TRPM3: variants seen among roughly 807,000 people sequenced by gnomAD.
The protein encoded by TRPM3 is long transient receptor potential channel 3.
Under a neutral mutation model 181.2 loss-of-function variants are expected in TRPM3, and 77 were observed. The observed-to-expected ratio is 0.42, with a 90% CI of 0.35 to 0.51. The LOEUF is 0.51. Ranked by LOEUF, TRPM3 falls within the 20% of genes least tolerant of loss-of-function variation. The pLI is 0.01. For synonymous variants in TRPM3, 745 were observed against 796.4 expected (o/e 0.94, Z 1.09); for missense variants, 1,759 against 2,196.7 (o/e 0.80, Z 3.98).
chr9:70,554,588 G>C (rs987696872), intron 22 of TRPM3, among the ~76,000 whole-genome samples: 6 of 152,182 alleles, frequency 3.9e-5, no homozygotes, highest in African/African-American at 1.2e-4. Context: ...CTTGGCTCCA[G>C]ACAATTGAAT....
intron 1 of TRPM3, among the ~76,000 whole-genome samples, chr9:71,413,434 A>G (rs2093591349): frequency 6.6e-6 from 1 of 152,086 alleles, no homozygotes; most frequent in Non-Finnish European, 1.5e-5. Context: ...TCCCAAAGTC[A>G]TAAGATTAGT....
At chr9:70,978,794 C>T (rs1226246552) in intron 1 of TRPM3, among the ~76,000 whole-genome samples, 2 of 152,220 alleles carry the variant, frequency 1.3e-5, no homozygotes, top group African/African-American at 4.8e-5. Flanking sequence ...CATGGCTACA[C>T]ACTCACTGAT....
chr9:71,334,269 C>T (rs950242357), intron 1 of TRPM3, among the ~76,000 whole-genome samples: 2 of 151,590 alleles, frequency 1.3e-5, no homozygotes, highest in Admixed American at 6.6e-5. Flanking sequence ...TAATATTTTG[C>T]TCATGTGTTT....
At chr9:71,211,732 A>C (rs1368960728) in intron 1 of TRPM3, among the ~76,000 whole-genome samples, 1 of 152,068 alleles carries the variant, frequency 6.6e-6, no homozygotes, top group South Asian at 2.1e-4. Context: ...TCTATGTTCA[A>C]ATTTACCCTT....
intron 1 of TRPM3, among the ~76,000 whole-genome samples, chr9:71,253,990 G>T (rs1343083050): frequency 6.6e-6 from 1 of 152,148 alleles, no homozygotes; most frequent in Non-Finnish European, 1.5e-5. Flanking sequence ...TGCGATCTTG[G>T]CTCACTGCAA....
intron 1 of TRPM3, among the ~76,000 whole-genome samples, chr9:70,956,675 A>G (rs2097076186): frequency 6.6e-6 from 1 of 152,114 alleles, no homozygotes. Context: ...CTTTGAGGCC[A>G]GGACTTTGAC....
At chr9:71,190,282 A>T (rs992160939) in intron 1 of TRPM3, among the ~76,000 whole-genome samples, 7 of 151,870 alleles carry the variant, frequency 4.6e-5, no homozygotes, top group Non-Finnish European at 7.4e-5. Flanking sequence ...CTACTGAACA[A>T]AGCAGGTCAG....
At chr9:70,988,581 G>A (rs983364779) in intron 1 of TRPM3, among the ~76,000 whole-genome samples, 14 of 152,156 alleles carry the variant, frequency 9.2e-5, no homozygotes, top group African/African-American at 3.1e-4. Flanking sequence ...CCCAGCCAGT[G>A]ATTATTCAAT....
chr9:70,889,877 T>C (rs911363615), intron 1 of TRPM3, among the ~76,000 whole-genome samples: 1 of 150,228 alleles, frequency 6.7e-6, no homozygotes, highest in Non-Finnish European at 1.5e-5. Flanking sequence ...ATATGGCATA[T>C]ACTTAGTATA....
chr9:70,739,096 G>C (rs2073419730), intron 8 of TRPM3, among the ~76,000 whole-genome samples: 1 of 152,092 alleles, frequency 6.6e-6, no homozygotes, highest in Non-Finnish European at 1.5e-5. Context: ...TATTTCAAAA[G>C]ATAAAGAGGG....
chr9:70,900,666 G>A (rs2096371798), intron 1 of TRPM3, among the ~76,000 whole-genome samples: 2 of 151,992 alleles, frequency 1.3e-5, no homozygotes, highest in African/African-American at 4.8e-5. Context: ...GCACCTCCTC[G>A]TCTCCTCTTA....
chr9:71,081,801 CTTGTT>C (rs548028177), intron 1 of TRPM3, among the ~76,000 whole-genome samples: 13 of 152,098 alleles, frequency 8.5e-5, no homozygotes, highest in Non-Finnish European at 1.8e-4. Context: ...CTCACCGAGT[CTTGTT>C]TTGGCATTAA....
intron 1 of TRPM3, among the ~76,000 whole-genome samples, chr9:71,010,339 G>C (rs2097722596): frequency 6.6e-6 from 1 of 152,160 alleles, no homozygotes; most frequent in South Asian, 2.1e-4. Context: ...CATCGGACAA[G>C]GGGTTAATAT....
intron 1 of TRPM3, among the ~76,000 whole-genome samples, chr9:71,225,770 C>A: frequency 6.6e-6 from 1 of 151,994 alleles, no homozygotes; most frequent in Non-Finnish European, 1.5e-5. Context: ...GATTCTCCTG[C>A]CTCAGCCTCC....
intron 1 of TRPM3, among the ~76,000 whole-genome samples, chr9:71,087,684 G>A (rs478778): frequency 0.23 from 35,637 of 151,858 alleles, 4,949 homozygotes; most frequent in East Asian, 0.4. Flanking sequence ...CAAGAGAAAG[G>A]AAGAAGCAGT....
At chr9:70,668,633 C>T (rs887271533) in intron 9 of TRPM3, among the ~76,000 whole-genome samples, 13 of 142,002 alleles carry the variant, frequency 9.2e-5, no homozygotes, top group African/African-American at 3.4e-4. Context: ...CCACTGCACT[C>T]CAGCCTGGGC....
At chr9:71,326,226 C>G (rs1343848403) in intron 1 of TRPM3, among the ~76,000 whole-genome samples, 1 of 152,074 alleles carries the variant, frequency 6.6e-6, no homozygotes, top group Non-Finnish European at 1.5e-5. Flanking sequence ...TCCTACATTT[C>G]TAAGAAAGAT....
intron 1 of TRPM3, among the ~76,000 whole-genome samples, chr9:71,348,630 C>T (rs2091431264): frequency 2.0e-5 from 3 of 151,664 alleles, no homozygotes; most frequent in South Asian, 2.1e-4. Context: ...AGTGCAGTGT[C>T]GCAATCTCCG....
chr9:71,273,940 G>A (rs984165158), intron 1 of TRPM3, among the ~76,000 whole-genome samples: 3 of 152,144 alleles, frequency 2.0e-5, no homozygotes, highest in African/African-American at 7.2e-5. Context: ...TTTGATCCCT[G>A]ACTATAATAC....
Sources: gnomAD v4.1 joint callset for allele counts (sites outside exome capture counted in the v4.1 genomes callset) on GRCh38, gnomAD v4.1.1 for gene constraint, MANE v1.5 for transcripts, NCBI Gene and HGNC (gene_info 2026-07-23, HGNC 2026-07-21) for gene names.